Variants in HTT observed in about 807,000 individuals in gnomAD.
HTT encodes huntingtin.
A neutral mutation model predicts 362.3 loss-of-function variants in HTT; 104 were observed. The observed-to-expected ratio is 0.29, with a 90% confidence interval of 0.24 to 0.34. The LOEUF (loss-of-function observed/expected upper bound fraction) is 0.34. Ranked by LOEUF, HTT falls within the 10% of genes least tolerant of loss-of-function variation. The probability of loss-of-function intolerance (pLI) is 1.00; values close to 1 mark genes in which losing one functional copy is unlikely to be tolerated. For missense variants in HTT, 3,301 were observed against 3,928.6 expected, an observed-to-expected ratio of 0.84 and a Z score of 4.27; for synonymous variants, 1,577 against 1,548.7, an observed-to-expected ratio of 1.02 and a Z score of -0.43.
At chr4:3,225,190 T>C (rs1176806635) in intron 56 of HTT, among the ~76,000 whole-genome samples, 1 of 152,100 alleles carries the variant, frequency 6.6e-6, no homozygotes, top group East Asian at 1.9e-4. Context: ...GGCATTATCC[T>C]GCTCCCGCTC....
At chr4:3,238,289 G>A (rs1177883660) in intron 64 of HTT, among the ~76,000 whole-genome samples, 158 bp from the exon 65 acceptor site, 2 of 152,210 alleles carry the variant, frequency 1.3e-5, no homozygotes, top group African/African-American at 4.8e-5. Context: ...CTTAGGCTCT[G>A]ACTTTCCCCA....
chr4:3,178,523 T>C, intron 35 of HTT, 77 bp downstream of exon 35: 1 of 1,336,416 alleles, frequency 7.5e-7, no homozygotes. Context: ...ATACCCACTT[T>C]GAACGTTGTC....
chr4:3,085,893 C>G (rs1169299026), intron 1 of HTT, among the ~76,000 whole-genome samples: 1 of 152,184 alleles, frequency 6.6e-6, no homozygotes, highest in Admixed American at 6.5e-5. Context: ...TTAGCCTGAT[C>G]ATCTTCGCCA....
In HTT at chr4:3,214,000, C is replaced by A; in HGVS notation, c.6817C>A (p.Leu2273Met). 6.2e-7 allele frequency: 1 copy of A among 1,603,146 alleles called. No homozygotes were observed. Among genetic ancestry groups the A allele is most frequent in the Non-Finnish European group, 8.5e-7 (1 of 1,173,644 alleles). Residue 2273 changes from leucine (L) to methionine (M), a missense_variant, in exon 50 of 67, where the codon CTG (leucine) becomes ATG (methionine). By Grantham distance (15) the Leu-to-Met change is conservative. Transcript: ENST00000355072. The stretch of plus-strand genomic sequence containing the variant: ...GATCCATGAGCAGATCCCGCTGAGT[C>A]TGGATCTCCAGGCAGGGCTGGACTG... ...HLIHEQIPLSLDLQAGLDCCC... is the reference protein window; with the variant it reads ...HLIHEQIPLSMDLQAGLDCCC...
intron 1 of HTT, among the ~76,000 whole-genome samples, chr4:3,081,670 T>C (rs1335630801): frequency 1.3e-5 from 2 of 149,006 alleles, no homozygotes; most frequent in African/African-American, 4.9e-5. Context: ...GACATTCTCC[T>C]GCACGGCCTC....
chr4:3,158,469 A>T (rs965467822), intron 28 of HTT, among the ~76,000 whole-genome samples: 4 of 152,142 alleles, frequency 2.6e-5, no homozygotes, highest in African/African-American at 7.2e-5. Flanking sequence ...CCCTGTCCAG[A>T]ATGTGGGATG....
At chr4:3,215,479 C>G (rs1720355056) in intron 51 of HTT, among the ~76,000 whole-genome samples, 1 of 152,108 alleles carries the variant, frequency 6.6e-6, no homozygotes, top group Non-Finnish European at 1.5e-5. Context: ...CGCTCCCTTC[C>G]CCCCGCACTT....
chr4:3,166,912 C>T (rs953946362), intron 29 of HTT, among the ~76,000 whole-genome samples: 2 of 152,258 alleles, frequency 1.3e-5, no homozygotes, highest in Admixed American at 6.5e-5. Flanking sequence ...GGCAACACCC[C>T]GCCCTGCTTC....
At position 3,232,069 on chromosome 4, in the gene HTT, G is replaced by A. The variant is rs531834234; in HGVS notation, c.8266-1094G>A. Among the ~76,000 whole-genome samples the A allele has an allele frequency of 3.0e-4, 46 of 152,302 alleles. No individual in the cohort carries two copies. In the South Asian group the frequency reaches 7.9e-3, roughly 26 times the overall value. On this transcript the variant is annotated intron_variant, in intron 60 of 66. Transcript: ENST00000355072. Reference sequence around the variant, plus strand: ...CACCGTTGTGAAATCCGTGCCACCCGAGAGCAGGTCCTGATGTGGGGCTTT... The same window carrying A: ...CACCGTTGTGAAATCCGTGCCACCCAAGAGCAGGTCCTGATGTGGGGCTTT...
chr4:3,203,047 T>G (rs1719664431), intron 41 of HTT: 1 of 152,164 alleles, frequency 6.6e-6, no homozygotes, highest in Non-Finnish European at 1.5e-5. Flanking sequence ...TGTGCAGCCT[T>G]CTGAGTCTGG....
chr4:3,225,676 A>G lies in HTT; in HGVS notation c.7781A>G (p.His2594Arg). 2 of 1,614,110 alleles carry G rather than the reference A, an allele frequency of 1.2e-6. No homozygotes were observed. The highest frequency in any genetic ancestry group is 1.7e-6 in the Non-Finnish European group (2 of 1,179,988). ...SPATTGALIS[H>R]EKLLLQINPE... ...GTGTTCACAGGTGCCCTCATCAGCC[A>G]CGAGAAGCTGCTGCTACAGATCAAC... is the stretch of plus-strand genomic sequence containing the variant. The change falls in exon 57 of 67, where the codon CAC becomes CGC. Residue 2594 changes from histidine to arginine, a missense_variant. Physicochemically the swap from His to Arg is conservative, Grantham distance 29. This residue lies in a region of HTT where 753 missense variants were observed against 1,021.3 expected (regional missense o/e 0.74). Coordinates refer to ENST00000355072, the MANE Select transcript of HTT (RefSeq NM_001388492.1).
chr4:3,121,572 T>C, intron 9 of HTT, 140 bp downstream of exon 9: 1 of 625,792 alleles, frequency 1.6e-6, no homozygotes, highest in Non-Finnish European at 2.8e-6. Context: ...ATTTCATCTT[T>C]ATTTTATAAA....
At chr4:3,130,477 T>A in intron 14 of HTT, 54 bp downstream of exon 14, 1 of 977,840 alleles carries the variant, frequency 1.0e-6, no homozygotes, top group Non-Finnish European at 1.6e-6. Context: ...TGTGAGGATT[T>A]AAAATCGCCC....
intron 63 of HTT, 105 bp downstream of exon 63, chr4:3,235,883 C>G: frequency 4.3e-6 from 4 of 926,070 alleles, no homozygotes; most frequent in Non-Finnish European, 6.7e-6. Context: ...TGATTTCACA[C>G]TTCTGGTGTT....
chr4:3,177,129 G>T (rs987423872), intron 33 of HTT, among the ~76,000 whole-genome samples: 2 of 152,186 alleles, frequency 1.3e-5, no homozygotes, highest in Admixed American at 6.5e-5. Flanking sequence ...TCACCTCAGG[G>T]TATAGTAAAG....
intron 36 of HTT, 27 bp downstream of exon 36, chr4:3,180,678 C>T (rs371981013): frequency 6.9e-5 from 110 of 1,601,450 alleles, no homozygotes; most frequent in Non-Finnish European, 8.3e-5. Context: ...TTGGAACTGT[C>T]GTGGATACTT....
intron 49 of HTT, among the ~76,000 whole-genome samples, chr4:3,213,418 A>C (rs935238028): frequency 1.3e-5 from 2 of 152,198 alleles, no homozygotes; most frequent in Non-Finnish European, 1.5e-5. Context: ...AGGATGAAAT[A>C]CTTTATATGC....
At chr4:3,238,216 C>T (rs376294801) in intron 64 of HTT, among the ~76,000 whole-genome samples, 55 of 152,312 alleles carry the variant, frequency 3.6e-4, no homozygotes, top group East Asian at 2.9e-3. Context: ...CCTGCCTCCA[C>T]GAGCTAGACA....
At chr4:3,215,450 T>G (rs1243293229) in intron 51 of HTT, among the ~76,000 whole-genome samples, 1 of 152,144 alleles carries the variant, frequency 6.6e-6, no homozygotes, top group Non-Finnish European at 1.5e-5. Flanking sequence ...ACAGACCAGC[T>G]GGGATGCCAC....
Sources: gnomAD v4.1 joint callset for allele counts (sites outside exome capture counted in the v4.1 genomes callset) on GRCh38, gnomAD v4.1.1 for gene constraint, gnomAD v4.1.1 regional missense constraint, MANE v1.5 for transcripts, NCBI Gene and HGNC (gene_info 2026-07-23, HGNC 2026-07-21) for gene names.